The following ZNF407 variants were observed in gnomAD, a reference collection of about 807,000 sequenced individuals.
The protein encoded by ZNF407 is zinc finger protein 407.
ZNF407 carries 17 observed loss-of-function variants against 131.2 expected under a neutral mutation model. That is an observed-to-expected ratio of 0.13 (90% CI 0.09 to 0.19). The LOEUF (loss-of-function observed/expected upper bound fraction) is 0.19. Ranked by LOEUF, ZNF407 falls within the 10% of genes least tolerant of loss-of-function variation. The pLI is 1.00. For synonymous variants in ZNF407, 1,156 were observed against 1,062.0 expected, an observed-to-expected ratio of 1.09 and a Z score of -1.72; for missense variants, 2,681 against 2,830.6, an observed-to-expected ratio of 0.95 and a Z score of 1.20.
intron 8 of ZNF407, among the ~76,000 whole-genome samples, chr18:74,922,505 CTGTGATTTGGT>C (rs1188910851): frequency 6.6e-6 from 1 of 151,966 alleles, no homozygotes; most frequent in Non-Finnish European, 1.5e-5. Context: ...ACTGTAAATA[CTGTGATTTGGT>C]TGAGATAATA....
intron 4 of ZNF407, among the ~76,000 whole-genome samples, chr18:74,830,790 G>A (rs1487795227): frequency 6.6e-6 from 1 of 152,092 alleles, no homozygotes; most frequent in Admixed American, 6.6e-5. Flanking sequence ...CTTCCTTGTA[G>A]CTATTTGAAA....
At chr18:74,872,911 A>G (rs914234614) in intron 4 of ZNF407, among the ~76,000 whole-genome samples, 1 of 152,174 alleles carries the variant, frequency 6.6e-6, no homozygotes, top group African/African-American at 2.4e-5. Context: ...AGCAGAATTA[A>G]TACTTTGCCT....
At position 74,758,790 on chromosome 18, in the gene ZNF407, G is replaced by C. The variant is rs1053140719; in HGVS notation, c.4803-22638G>C. 2.0e-5 allele frequency among the ~76,000 whole-genome samples: 3 copies of C among 152,186 alleles called. No homozygotes were observed. The East Asian group carries it at 5.8e-4, about 29-fold the overall frequency. ...GTATTTTTAGTGGAGATGTTGGCCA[G>C]GCTGGTCTCGAACTCCTGACCTCAA... On this transcript the variant is annotated intron_variant, in intron 3 of 8. Transcript: ENST00000299687.
chr18:75,038,292 A>AT (rs1420472118), intron 8 of ZNF407, among the ~76,000 whole-genome samples: 2 of 152,230 alleles, frequency 1.3e-5, no homozygotes, highest in Admixed American at 6.5e-5. Context: ...CAGGAGCTGG[A>AT]TGGGTAACCA....
At chr18:74,760,162 G>A (rs1303703845) in intron 3 of ZNF407, among the ~76,000 whole-genome samples, 3 of 152,074 alleles carry the variant, frequency 2.0e-5, no homozygotes, top group South Asian at 2.1e-4. Flanking sequence ...GGCGACTAAC[G>A]TCACTGCTTA....
chr18:74,920,468 ATTGGT>A, intron 7 of ZNF407, 41 bp from the exon 8 acceptor site: 1 of 1,477,118 alleles, frequency 6.8e-7, no homozygotes, highest in Non-Finnish European at 9.2e-7. Flanking sequence ...AGATAAGGTT[ATTGGT>A]TTGACCTTAA....
intron 8 of ZNF407, among the ~76,000 whole-genome samples, chr18:75,018,643 T>C (rs1342154605): frequency 6.6e-6 from 1 of 151,904 alleles, no homozygotes; most frequent in African/African-American, 2.4e-5. Flanking sequence ...TTAGCAAACC[T>C]TACAAATCAA....
chr18:74,947,734 G>A (rs1285257846), intron 8 of ZNF407, among the ~76,000 whole-genome samples: 1 of 152,170 alleles, frequency 6.6e-6, no homozygotes, highest in Non-Finnish European at 1.5e-5. Flanking sequence ...AGACAAACAG[G>A]TAGGCAGGAC....
At chr18:74,866,533 G>A (rs1012437737) in intron 4 of ZNF407, among the ~76,000 whole-genome samples, 4 of 152,056 alleles carry the variant, frequency 2.6e-5, no homozygotes, top group African/African-American at 9.7e-5. Context: ...TCTAGCATAT[G>A]TACTCAAATT....
chr18:75,014,708 A>G (rs1599294500), intron 8 of ZNF407, among the ~76,000 whole-genome samples: 1 of 152,180 alleles, frequency 6.6e-6, no homozygotes, highest in East Asian at 1.9e-4. Flanking sequence ...AGTCTTTTTC[A>G]TTGATATTTC....
intron 4 of ZNF407, among the ~76,000 whole-genome samples, chr18:74,859,158 C>T (rs901539409): frequency 6.6e-6 from 1 of 152,142 alleles, no homozygotes; most frequent in Non-Finnish European, 1.5e-5. Flanking sequence ...CAACATATTT[C>T]ATCTGGTTTG....
rs573419524 is a variant in ZNF407, at chr18:74,824,776, C to T, written c.4877+43274C>T. Among the ~76,000 whole-genome samples, 3 of 152,254 alleles carry T rather than the reference C, an allele frequency of 2.0e-5. No homozygotes were observed. In the East Asian group the frequency reaches 5.8e-4, roughly 29 times the overall value. The stretch of plus-strand genomic sequence containing the variant: ...CAGACGGATTCACAGCCGAATTCTA[C>T]CAGAGGTACCAAGAAGAGCTGGTAC... On this transcript the variant is annotated intron_variant, in intron 4 of 8. Coordinates refer to ENST00000299687, the MANE Select transcript of ZNF407 (RefSeq NM_017757.3).
intron 8 of ZNF407, among the ~76,000 whole-genome samples, chr18:74,989,624 C>T (rs1042543765): frequency 6.6e-6 from 1 of 152,018 alleles, no homozygotes; most frequent in Admixed American, 6.6e-5. Context: ...GGCAGATCAC[C>T]TGAGGTAAGG....
intron 3 of ZNF407, among the ~76,000 whole-genome samples, chr18:74,692,859 G>T (rs976144308): frequency 4.6e-5 from 7 of 152,186 alleles, no homozygotes; most frequent in African/African-American, 1.7e-4. Flanking sequence ...GGGTTCGAGT[G>T]TGGTTGCCCT....
At chr18:75,008,246 C>T (rs1272827350) in intron 8 of ZNF407, among the ~76,000 whole-genome samples, 2 of 152,188 alleles carry the variant, frequency 1.3e-5, no homozygotes, top group Non-Finnish European at 2.9e-5. Flanking sequence ...CCAGGCACAG[C>T]ACCAGGAAAA....
rs1264945941 is a variant in ZNF407 at position 74,632,363 on chromosome 18, A to T, written c.1344A>T (p.Gly448=). The T allele has an allele frequency of 6.2e-7, 1 of 1,613,898 alleles. No homozygotes were observed. Among genetic ancestry groups the T allele is most frequent in the Non-Finnish European group, 8.5e-7 (1 of 1,179,904 alleles). Residue 448 remains glycine, a synonymous_variant, in exon 2 of 9, where the codon GGA becomes GGT. Coordinates refer to ENST00000299687, the MANE Select transcript of ZNF407 (RefSeq NM_017757.3). ...CAAAGAAAAGGTTTAATCTTTTAGG[A>T]ATTAAAAGAGGTACAAGTGAAACTC... ...GQAKKRFNLL[G]IKRGTSETQR...
At chr18:74,701,473 C>G (rs996854385) in intron 3 of ZNF407, among the ~76,000 whole-genome samples, 1 of 152,168 alleles carries the variant, frequency 6.6e-6, no homozygotes, top group East Asian at 1.9e-4. Context: ...GTGTTTCATG[C>G]TATGTATGTA....
At chr18:74,623,674 T>TTC (rs1334336242) in intron 1 of ZNF407, among the ~76,000 whole-genome samples, 1 of 152,226 alleles carries the variant, frequency 6.6e-6, no homozygotes, top group Non-Finnish European at 1.5e-5. Context: ...TTTATTATTG[T>TTC]TCTCAAAAAG....
intron 7 of ZNF407, among the ~76,000 whole-genome samples, chr18:74,894,813 CT>C (rs957293818): frequency 5.3e-4 from 81 of 152,236 alleles, no homozygotes; most frequent in African/African-American, 1.9e-3. Flanking sequence ...AAGCCAGACT[CT>C]GACAGTTTTA....
Sources: allele counts gnomAD v4.1 joint callset (sites outside exome capture counted in the v4.1 genomes callset), GRCh38; gene constraint gnomAD v4.1.1; transcripts MANE v1.5; gene names NCBI Gene and HGNC (gene_info 2026-07-23, HGNC 2026-07-21).